Variants in ANK1 observed in about 807,000 individuals in gnomAD.
ANK1 encodes the protein ankyrin-1.
In ANK1, 51 loss-of-function variants were observed where a neutral mutation model predicts 210.4. That is an observed-to-expected ratio of 0.24 (90% CI 0.19 to 0.31). ANK1 has a LOEUF of 0.31. Among genes scored for constraint, ANK1 ranks in the 10% least tolerant of loss-of-function variants. The pLI, the probability that ANK1 is intolerant of heterozygous loss-of-function variation, is 1.00. For synonymous variants in ANK1, 967 were observed against 1,025.9 expected, an observed-to-expected ratio of 0.94 and a Z score of 1.10; for missense variants, 2,051 against 2,504.4, an observed-to-expected ratio of 0.82 and a Z score of 3.86.
chr8:41,721,973 A>G (rs56299882), intron 9 of ANK1, among the ~76,000 whole-genome samples: 3,052 of 152,376 alleles, frequency 0.02, 38 homozygotes, highest in Non-Finnish European at 0.027. Context: ...GTTTAAATAC[A>G]GCACTCCTGG....
intron 1 of ANK1, among the ~76,000 whole-genome samples, chr8:41,839,561 A>G (rs1367270988): frequency 6.6e-6 from 1 of 152,212 alleles, no homozygotes; most frequent in Non-Finnish European, 1.5e-5. Context: ...GAAGGCACAT[A>G]TCGGTGGGAT....
chr8:41,715,555 A>G (rs1827389945), intron 14 of ANK1, 97 bp downstream of exon 14: 2 of 1,452,258 alleles, frequency 1.4e-6, no homozygotes, highest in Admixed American at 3.8e-5. Context: ...AGCATCATTG[A>G]GGTGACAAAG....
intron 2 of ANK1, among the ~76,000 whole-genome samples, chr8:41,757,574 C>G (rs1036009820): frequency 2.0e-5 from 3 of 152,220 alleles, no homozygotes; most frequent in East Asian, 3.8e-4. Flanking sequence ...CCATCCTCAA[C>G]CCGAGCCCAC....
At chr8:41,715,532 T>A in intron 14 of ANK1, 120 bp downstream of exon 14, 1 of 1,329,362 alleles carries the variant, frequency 7.5e-7, no homozygotes, top group Non-Finnish European at 1.0e-6. Context: ...TGACGACCCT[T>A]CCAGCTGCTT....
rs386412644 is a variant in ANK1 at position 41,895,901 on chromosome 8, GC to G, written c.126+453del. Among the ~76,000 whole-genome samples the G allele has an allele frequency of 2.5e-3, 382 of 150,080 alleles. 1 individual carries two copies. Among genetic ancestry groups the G allele is most frequent in the South Asian group, 3.6e-3 (17 of 4,740 alleles). ...ACCTAGGGAGAAGCCGGGCAGAGCTGCCCCCCCCCGGCCCGCTCCCCGGAGC... is the reference window on the plus strand; with the variant it reads ...ACCTAGGGAGAAGCCGGGCAGAGCTGCCCCCCCCGGCCCGCTCCCCGGAGC... On this transcript the variant is annotated intron_variant, in intron 1 of 42. Coordinates refer to the ANK1 transcript ENST00000265709.
chr8:41,690,035 C>A (rs73675105), intron 33 of ANK1, among the ~76,000 whole-genome samples, 192 bp downstream of exon 33: 1,724 of 152,352 alleles, frequency 0.011, 43 homozygotes, highest in African/African-American at 0.04. Context: ...GCAGAGAGGG[C>A]CAGGGCATGG....
chr8:41,844,854 A>T (rs1809716273), intron 1 of ANK1, among the ~76,000 whole-genome samples: 1 of 152,154 alleles, frequency 6.6e-6, no homozygotes. Context: ...AGTGAGAGAC[A>T]GCCAGAGGGA....
At chr8:41,758,442 C>T (rs575599629) in intron 1 of ANK1, among the ~76,000 whole-genome samples, 301 of 152,344 alleles carry the variant, frequency 2.0e-3, no homozygotes, top group Non-Finnish European at 3.5e-3. Flanking sequence ...AATTCCTGGG[C>T]TCAAGAGATC....
Position 41,683,060 on chromosome 8 carries a change from GCACACACATGAACACGTGCACACA to G in ANK1, c.4537+1460_4537+1483del, listed in dbSNP as rs1816581413. Among the ~76,000 whole-genome samples the G allele has an allele frequency of 8.8e-5, 13 of 147,772 alleles. No individual in the cohort carries two copies. The South Asian group carries it at 2.7e-3, about 31-fold the overall frequency. ...GACACACACACACATGTATGCACAC[GCACACACATGAACACGTGCACACA>G]CACACACATGCACGCACACATGCAC... On this transcript the variant is annotated intron_variant, in intron 37 of 42. Transcript: ENST00000289734.
At chr8:41,847,277 C>A (rs553044001) in intron 1 of ANK1, among the ~76,000 whole-genome samples, 12 of 152,312 alleles carry the variant, frequency 7.9e-5, no homozygotes, top group African/African-American at 2.9e-4. Context: ...AGGGATGACA[C>A]CTTCAGCTCT....
At chr8:41,788,477 G>A (rs1248459379) in intron 1 of ANK1, among the ~76,000 whole-genome samples, 1 of 151,612 alleles carries the variant, frequency 6.6e-6, no homozygotes, top group African/African-American at 2.4e-5. Flanking sequence ...AGACCACAAG[G>A]GCACCTACAC....
chr8:41,878,637 C>T (rs561572077), intron 1 of ANK1, among the ~76,000 whole-genome samples: 20 of 152,304 alleles, frequency 1.3e-4, no homozygotes, highest in African/African-American at 3.6e-4. Context: ...TGGAACCCCT[C>T]GTTAAAAAGT....
chr8:41,761,264 CGT>C (rs908277655), intron 1 of ANK1, among the ~76,000 whole-genome samples: 3 of 151,592 alleles, frequency 2.0e-5, no homozygotes, highest in South Asian at 2.1e-4. Flanking sequence ...CATACACAGA[CGT>C]GTGTGCACAC....
At chr8:41,695,088 C>T in intron 27 of ANK1, 89 bp downstream of exon 27, 1 of 1,551,228 alleles carries the variant, frequency 6.4e-7, no homozygotes, top group Admixed American at 1.7e-5. Flanking sequence ...TCCCAAACTT[C>T]AGGTGGCCCT....
intron 1 of ANK1, among the ~76,000 whole-genome samples, chr8:41,809,725 C>T (rs1802201381): frequency 6.6e-6 from 1 of 152,130 alleles, no homozygotes; most frequent in Non-Finnish European, 1.5e-5. Context: ...TATGATCGTA[C>T]CACCACACTT....
At position 41,655,744 on chromosome 8, in the gene ANK1, A is replaced by C; in HGVS notation, c.*46T>G. On this transcript the variant is annotated 3_prime_UTR_variant, in exon 43 of 43. Coordinates refer to ENST00000289734, the MANE Select transcript of ANK1 (RefSeq NM_000037.4). ...TGTGGGGTTCAGGGGTTGGGTGTCG[A>C]GGTGTGATCCTGGGAGACACAAAGA... is the stretch of plus-strand genomic sequence containing the variant. 6.2e-7 allele frequency: 1 copy of C among 1,614,038 alleles called. No individual in the cohort carries two copies. The highest frequency in any genetic ancestry group is 8.5e-7 in the Non-Finnish European group (1 of 1,179,980).
rs752587919 is a variant in ANK1 at position 41,723,649 on chromosome 8, A to G, written c.712-16T>C. 1 of 1,610,022 alleles carries G rather than the reference A, an allele frequency of 6.2e-7. No homozygotes were observed. On this transcript the variant is annotated splice_polypyrimidine_tract_variant and intron_variant, in intron 7 of 42. Transcript: ENST00000289734. ...TGATGCCGTTCTGAAGGGAGGAAGC[A>G]GGACGGTCAGGGCGCGTCATCCTTC... is the stretch of plus-strand genomic sequence containing the variant.
intron 1 of ANK1, among the ~76,000 whole-genome samples, chr8:41,871,927 T>C (rs140448097): frequency 1.7e-3 from 253 of 152,188 alleles, no homozygotes; most frequent in African/African-American, 5.8e-3. Flanking sequence ...GGATCTTGGC[T>C]GGAATGGAGC....
intron 24 of ANK1, among the ~76,000 whole-genome samples, chr8:41,697,064 G>A (rs1004483126): frequency 1.6e-5 from 2 of 128,084 alleles, no homozygotes; most frequent in Admixed American, 8.6e-5. Flanking sequence ...CCCCAGGCCC[G>A]CTGCACCTGC....
Sources: allele counts gnomAD v4.1 joint callset (sites outside exome capture counted in the v4.1 genomes callset), GRCh38; gene constraint gnomAD v4.1.1; transcripts MANE v1.5; gene names NCBI Gene and HGNC (gene_info 2026-07-23, HGNC 2026-07-21).